Variants in DPH6 observed in about 807,000 individuals in gnomAD.
The protein encoded by DPH6 is diphthine--ammonia ligase.
DPH6 carries 33 observed loss-of-function variants against 38.2 expected under a neutral mutation model. The ratio of observed to expected loss-of-function variants is 0.86; its 90% CI spans 0.65 to 1.15. The LOEUF (loss-of-function observed/expected upper bound fraction) is 1.15, where lower values mean the gene tolerates loss of function less well. Ranked by LOEUF, DPH6 falls within the 50% of genes most tolerant of loss-of-function variation. The pLI is 0.00. For missense variants in DPH6, 325 were observed against 320.0 expected (o/e 1.02, Z -0.12); for synonymous variants, 108 against 103.0 (o/e 1.05, Z -0.30).
intron 3 of DPH6, among the ~76,000 whole-genome samples, chr15:35,523,085 G>A (rs1311451073): frequency 6.6e-6 from 1 of 151,858 alleles, no homozygotes; most frequent in East Asian, 1.9e-4. Context: ...ATTTTTTTGT[G>A]TTTGATGAGT....
chr15:35,258,214 C>T (rs2051720820), intron 3 of DPH6, among the ~76,000 whole-genome samples: 1 of 152,066 alleles, frequency 6.6e-6, no homozygotes, highest in Admixed American at 6.5e-5. Context: ...CAAAAGACCA[C>T]TAATGGTGTG....
intron 5 of DPH6, 78 bp downstream of exon 5, chr15:35,450,607 T>C (rs2053919542): frequency 4.3e-6 from 5 of 1,162,256 alleles, no homozygotes; most frequent in Non-Finnish European, 5.0e-6. Flanking sequence ...GTTTTCTTTG[T>C]TCATTTTAAC....
intron 3 of DPH6, among the ~76,000 whole-genome samples, chr15:35,461,434 G>A (rs898341103): frequency 3.9e-5 from 6 of 152,210 alleles, no homozygotes; most frequent in African/African-American, 1.4e-4. Flanking sequence ...CCTCCACTGA[G>A]GCTGGGAAGC....
In DPH6 at chr15:35,316,732, G is replaced by A. The variant is rs545180405; in HGVS notation, n.200+56789C>T. Among the ~76,000 whole-genome samples, 3 of 152,162 alleles carry A rather than the reference G, an allele frequency of 2.0e-5. No homozygotes were observed. In the South Asian group the frequency reaches 6.2e-4, roughly 32 times the overall value. Reference sequence around the variant, plus strand: ...AATTTCTGAAGTGAAAGACATGCGGGCAAAGAAAACAGCACCTAGGTATAG... The same window carrying A: ...AATTTCTGAAGTGAAAGACATGCGGACAAAGAAAACAGCACCTAGGTATAG... On this transcript the variant is annotated intron_variant and non_coding_transcript_variant, in intron 3 of 3. Coordinates refer to the DPH6 transcript ENST00000560386.
chr15:35,352,966 C>T (rs991216994), intron 3 of DPH6, among the ~76,000 whole-genome samples: 2 of 152,120 alleles, frequency 1.3e-5, no homozygotes, highest in Non-Finnish European at 2.9e-5. Context: ...TTTCAATGAT[C>T]GCCATTCAAA....
At chr15:35,494,390 T>C (rs1286103585) in intron 3 of DPH6, among the ~76,000 whole-genome samples, 2 of 152,120 alleles carry the variant, frequency 1.3e-5, no homozygotes, top group Non-Finnish European at 2.9e-5. Flanking sequence ...GCAAAGTATC[T>C]AGAGGAGTCA....
Position 35,539,442 on chromosome 15 carries a change from A to AC in DPH6, c.119-976_119-975insG, listed in dbSNP as rs1282746937. On this transcript the variant is annotated intron_variant, in intron 2 of 8. Coordinates refer to ENST00000256538, the MANE Select transcript of DPH6 (RefSeq NM_080650.4). ...ATTTAAGGTTAAAGAAGTCTATAAA[A>AC]GATGGGGATAAAAAGTGTTAAATGG... Among the ~76,000 whole-genome samples, 3 of 152,064 alleles carry AC rather than the reference A, an allele frequency of 2.0e-5. No individual in the cohort carries two copies. In the East Asian group the frequency reaches 5.8e-4, roughly 29 times the overall value.
intron 5 of DPH6, among the ~76,000 whole-genome samples, chr15:35,415,794 A>G (rs776576284): frequency 7.9e-5 from 12 of 152,044 alleles, no homozygotes; most frequent in Non-Finnish European, 1.6e-4. Flanking sequence ...ATTGAAGTAA[A>G]TAACATTTAA....
intron 3 of DPH6, among the ~76,000 whole-genome samples, chr15:35,363,679 C>A (rs1241443776): frequency 6.6e-6 from 1 of 151,816 alleles, no homozygotes; most frequent in Non-Finnish European, 1.5e-5. Context: ...CTGCTAGTTG[C>A]TCTATGTTTA....
intron 5 of DPH6, among the ~76,000 whole-genome samples, chr15:35,442,453 G>T (rs1595566296): frequency 6.6e-6 from 1 of 152,308 alleles, no homozygotes; most frequent in African/African-American, 2.4e-5. Context: ...AGCCACTTTA[G>T]AAATCAGTTT....
chr15:35,177,180 T>C, the DPH6 span, among the ~76,000 whole-genome samples: 1 of 152,296 alleles, frequency 6.6e-6, no homozygotes, highest in East Asian at 1.9e-4. Flanking sequence ...ATGCTTACTA[T>C]GGCTAGACTT....
chr15:35,477,217 A>C lies in DPH6; in HGVS notation c.313-22397T>G. ...TGTACAATTAATACAATAACTATAT[A>C]TCAAAGTATAACATTATCTGAATTA... On this transcript the variant is annotated intron_variant, in intron 3 of 8. Coordinates refer to ENST00000256538, the MANE Select transcript of DPH6 (RefSeq NM_080650.4). Among the ~76,000 whole-genome samples the C allele has an allele frequency of 2.6e-5, 4 of 152,008 alleles. No homozygotes were observed. The South Asian group carries it at 8.3e-4, about 32-fold the overall frequency.
chr15:35,482,837 T>A (rs1483083399), intron 3 of DPH6, among the ~76,000 whole-genome samples: 1 of 151,964 alleles, frequency 6.6e-6, no homozygotes, highest in Non-Finnish European at 1.5e-5. Context: ...CAAATTAGAC[T>A]TCATCAAAAT....
chr15:35,366,047 T>A, downstream of DPH6: 5 of 978,122 alleles, frequency 5.1e-6, no homozygotes, highest in Non-Finnish European at 6.1e-6. Flanking sequence ...AAGTCATCAT[T>A]TATCTTCTTA....
chr15:35,250,007 T>TA (rs11439082), intron 3 of DPH6, among the ~76,000 whole-genome samples: 86,610 of 149,448 alleles, frequency 0.58, 29,042 homozygotes, highest in Non-Finnish European at 0.77. Flanking sequence ...ACTAAAAATA[T>TA]AAAAAAAAAT....
At chr15:35,264,734 T>C (rs1286798133) in intron 3 of DPH6, among the ~76,000 whole-genome samples, 1 of 152,202 alleles carries the variant, frequency 6.6e-6, no homozygotes, top group Non-Finnish European at 1.5e-5. Context: ...ATTCATTCAT[T>C]CATTCAACAA....
intron 3 of DPH6, chr15:35,282,969 T>A (rs1041695159): frequency 9.6e-5 from 28 of 291,086 alleles, no homozygotes; most frequent in African/African-American, 5.8e-4. Flanking sequence ...GGCCTGCACA[T>A]CTTGAGCTGA....
chr15:35,223,634 G>A lies in DPH6; in HGVS notation n.201-3052C>T, dbSNP rs146931299. On this transcript the variant is annotated intron_variant and non_coding_transcript_variant, in intron 3 of 3. Transcript: ENST00000560386. ...CTGGGAGGCGGAGCTTGCAGTGAGC[G>A]GAGATCGCGCCACTGCACTCCAGCC... is the stretch of plus-strand genomic sequence containing the variant. 3.7e-3 allele frequency among the ~76,000 whole-genome samples: 560 copies of A among 151,982 alleles called. 14 individuals are homozygous for A. In the East Asian group the frequency reaches 0.08, roughly 22 times the overall value.
At chr15:35,387,880 T>C (rs976063168) in intron 6 of DPH6, among the ~76,000 whole-genome samples, 2 of 152,200 alleles carry the variant, frequency 1.3e-5, no homozygotes, top group African/African-American at 2.4e-5. Flanking sequence ...CAACATTATG[T>C]TGAATAGGAG....
Sources: gnomAD v4.1 joint callset for allele counts (sites outside exome capture counted in the v4.1 genomes callset) on GRCh38, gnomAD v4.1.1 for gene constraint, MANE v1.5 for transcripts, NCBI Gene and HGNC (gene_info 2026-07-23, HGNC 2026-07-21) for gene names.